PIEZO2: variants seen among roughly 807,000 people sequenced by gnomAD.
The protein encoded by PIEZO2 is piezo type mechanosensitive ion channel component 2.
A neutral mutation model predicts 337.3 loss-of-function variants in PIEZO2; 172 were observed. The observed-to-expected ratio is 0.51, with a 90% CI of 0.45 to 0.58. The LOEUF is 0.58. Among genes scored for constraint, PIEZO2 ranks in the 20% least tolerant of loss-of-function variants. The probability of loss-of-function intolerance (pLI) is 0.00; values close to 1 mark genes in which losing one functional copy is unlikely to be tolerated. For synonymous variants in PIEZO2, 1,251 were observed against 1,228.5 expected (o/e 1.02, Z -0.38); for missense variants, 3,028 against 3,391.3 (o/e 0.89, Z 2.66).
intron 7 of PIEZO2, among the ~76,000 whole-genome samples, chr18:10,808,701 A>G (rs2040076967): frequency 6.6e-6 from 1 of 152,222 alleles, no homozygotes; most frequent in Non-Finnish European, 1.5e-5. Flanking sequence ...TTAAATAACA[A>G]TTTCCTGAGT....
chr18:11,064,446 G>T (rs917066483), intron 2 of PIEZO2, among the ~76,000 whole-genome samples: 1 of 152,140 alleles, frequency 6.6e-6, no homozygotes, highest in Non-Finnish European at 1.5e-5. Flanking sequence ...ACCTGTTTGT[G>T]CTCTGTTTGT....
Position 11,021,292 on chromosome 18 carries a change from T to G in PIEZO2, c.161-41632A>C, listed in dbSNP as rs142742214. Among the ~76,000 whole-genome samples, 1 of 152,228 alleles carries G rather than the reference T, an allele frequency of 6.6e-6. No individual in the cohort carries two copies. The highest frequency in any genetic ancestry group is 1.5e-5 in the Non-Finnish European group (1 of 68,034). ...AAAGAACTCCCAAACCGGTTTTCCA[T>G]GGACCCAAAGTCAGTGTGGTGTTCT... On this transcript the variant is annotated intron_variant, in intron 2 of 55. Transcript: ENST00000674853. The surrounding 1 kb of genome is among the most constrained non-coding windows in gnomAD (Gnocchi z 4.7).
At chr18:10,910,428 C>A (rs868556554) in intron 4 of PIEZO2, among the ~76,000 whole-genome samples, 1 of 152,002 alleles carries the variant, frequency 6.6e-6, no homozygotes, top group Non-Finnish European at 1.5e-5. Context: ...ACTAAAAATA[C>A]GAAAATAAGC....
intron 21 of PIEZO2, 74 bp from the exon 22 acceptor site, chr18:10,763,172 G>T: frequency 7.0e-7 from 1 of 1,436,220 alleles, no homozygotes; most frequent in Non-Finnish European, 9.4e-7. Context: ...CACAAAACAG[G>T]ATGACTTGAT....
chr18:10,717,164 T>C (rs34598731), intron 37 of PIEZO2, among the ~76,000 whole-genome samples: 38,371 of 152,220 alleles, frequency 0.25, 5,511 homozygotes, highest in Non-Finnish European at 0.33. Context: ...CTCAGTTCCC[T>C]GTTTTGAGAG....
At position 11,110,951 on chromosome 18, in the gene PIEZO2, G is replaced by T. The variant is rs994513141; in HGVS notation, c.64+37574C>A. Among the ~76,000 whole-genome samples, 1 of 152,202 alleles carries T rather than the reference G, an allele frequency of 6.6e-6. No individual in the cohort carries two copies. Among genetic ancestry groups the T allele is most frequent in the African/African-American group, 2.4e-5 (1 of 41,446 alleles). ...TGCCCCGCAAGCTCCCCTCCATGTG[G>T]TCTGCGTCAGAGTCCACCATGAGAG... On this transcript the variant is annotated intron_variant, in intron 1 of 55. Transcript: ENST00000674853. This position sits in a 1 kb window ranked among gnomAD's most constrained non-coding sequence, Gnocchi z 4.2.
At position 10,784,145 on chromosome 18, in the gene PIEZO2, T is replaced by C. The variant is rs2039127967; in HGVS notation, c.2492+639A>G. Among the ~76,000 whole-genome samples, 1 of 152,190 alleles carries C rather than the reference T, an allele frequency of 6.6e-6. No homozygotes were observed. Among genetic ancestry groups the C allele is most frequent in the Non-Finnish European group, 1.5e-5 (1 of 68,040 alleles). The stretch of plus-strand genomic sequence containing the variant: ...CCCCGTGATGGAACACAGTGAAGGA[T>C]TTGTGATAACCCATTGTGGTTTGAA... On this transcript the variant is annotated intron_variant, in intron 17 of 55. Transcript: ENST00000674853. This position sits in a 1 kb window ranked among gnomAD's most constrained non-coding sequence, Gnocchi z 4.5.
At position 10,767,567 on chromosome 18, in the gene PIEZO2, G is replaced by A. The variant is rs181723849; in HGVS notation, c.2946+2581C>T. On this transcript the variant is annotated intron_variant, in intron 21 of 55. Coordinates refer to ENST00000674853, the MANE Select transcript of PIEZO2 (RefSeq NM_001378183.1). The surrounding 1 kb of genome is among the most constrained non-coding windows in gnomAD (Gnocchi z 4.2). ...AGCCCGAGTGAGGAGCTAATGACTC[G>A]GAGCCCGATGCGTGAACCCTGGAGC... Among the ~76,000 whole-genome samples, 23 of 152,268 alleles carry A rather than the reference G, an allele frequency of 1.5e-4. No homozygotes were observed. The highest frequency in any genetic ancestry group is 1.5e-3 in the South Asian group (7 of 4,824).
At position 11,036,895 on chromosome 18, in the gene PIEZO2, G is replaced by C. The variant is rs544369519; in HGVS notation, c.160+29232C>G. ...AAAATCCCGTAATTATATTGCAATA[G>C]ATATAAACTCCACGTGGACCCAGGC... On this transcript the variant is annotated intron_variant, in intron 2 of 55. Transcript: ENST00000674853. 2.6e-5 allele frequency among the ~76,000 whole-genome samples: 4 copies of C among 152,260 alleles called. No individual in the cohort carries two copies. In the South Asian group the frequency reaches 6.2e-4, roughly 24 times the overall value.
chr18:10,842,028 C>T (rs948765457), intron 7 of PIEZO2, among the ~76,000 whole-genome samples: 2 of 151,790 alleles, frequency 1.3e-5, no homozygotes, highest in Non-Finnish European at 2.9e-5. Context: ...TGGCGGTGTG[C>T]GCCTGTAGTC....
At position 10,834,949 on chromosome 18, in the gene PIEZO2, G is replaced by A. The variant is rs958777873; in HGVS notation, c.917+20404C>T. 6.6e-6 allele frequency among the ~76,000 whole-genome samples: 1 copy of A among 152,180 alleles called. No homozygotes were observed. Among genetic ancestry groups the A allele is most frequent in the African/African-American group, 2.4e-5 (1 of 41,442 alleles). ...TTGAAGCCAAACTCCCCATGTGAAG[G>A]TATTAAGAAGTCGGGCCTTTGAGGG... On this transcript the variant is annotated intron_variant, in intron 7 of 55. Transcript: ENST00000674853. This position sits in a 1 kb window ranked among gnomAD's most constrained non-coding sequence, Gnocchi z 4.5.
At chr18:10,867,643 C>T (rs2144766161) in intron 5 of PIEZO2, among the ~76,000 whole-genome samples, 1 of 152,122 alleles carries the variant, frequency 6.6e-6, no homozygotes, top group Non-Finnish European at 1.5e-5. Context: ...CTTAATAATA[C>T]ATTAAAATAC....
intron 2 of PIEZO2, among the ~76,000 whole-genome samples, chr18:11,053,564 G>A (rs1322702480): frequency 6.6e-6 from 1 of 152,152 alleles, no homozygotes. Context: ...CTACAGACAG[G>A]TGCCACTGTG....
At chr18:10,883,210 T>A (rs746710241) in intron 4 of PIEZO2, among the ~76,000 whole-genome samples, 5 of 152,170 alleles carry the variant, frequency 3.3e-5, no homozygotes, top group African/African-American at 1.2e-4. Context: ...CTATTGTATA[T>A]AGTGCTGAAA....
chr18:10,743,579 C>T (rs1040614704), intron 31 of PIEZO2, among the ~76,000 whole-genome samples: 1 of 152,192 alleles, frequency 6.6e-6, no homozygotes, highest in African/African-American at 2.4e-5. Context: ...ATTTCTAGTG[C>T]TGCCTCTAGT....
chr18:11,040,130 A>G (rs1206023626), intron 2 of PIEZO2, among the ~76,000 whole-genome samples: 3 of 150,880 alleles, frequency 2.0e-5, no homozygotes, highest in Non-Finnish European at 4.4e-5. Context: ...AAGGCTTCAT[A>G]TCAGCTATGT....
intron 1 of PIEZO2, among the ~76,000 whole-genome samples, chr18:11,139,656 C>T (rs995368928): frequency 4.6e-5 from 7 of 152,142 alleles, no homozygotes; most frequent in African/African-American, 1.7e-4. Flanking sequence ...GATATTTACA[C>T]TTCAAATGAA....
At position 10,748,696 on chromosome 18, in the gene PIEZO2, C is replaced by G; in HGVS notation, c.4265-66G>C. 1 of 1,363,576 alleles carries G rather than the reference C, an allele frequency of 7.3e-7. No homozygotes were observed. Among genetic ancestry groups the G allele is most frequent in the Non-Finnish European group, 9.6e-7 (1 of 1,041,728 alleles). 84.5% of individuals were successfully genotyped at this position (1,363,576 alleles called of 1,614,324 possible). A position where few individuals can be genotyped will look rare whatever the true frequency, so the allele number is the denominator to read the frequency against. On this transcript the variant is annotated intron_variant, in intron 29 of 55. Coordinates refer to ENST00000674853, the MANE Select transcript of PIEZO2 (RefSeq NM_001378183.1). This position sits in a 1 kb window ranked among gnomAD's most constrained non-coding sequence, Gnocchi z 5.1. The stretch of plus-strand genomic sequence containing the variant: ...CATTTTCATTGTAATTTTATAAAAT[C>G]TGAGGTATGGTCAGGCTTGGGAAAT...
Position 10,979,640 on chromosome 18 carries a change from T to C in PIEZO2, c.181A>G (p.Lys61Glu). 3 of 1,535,190 alleles carry C rather than the reference T, an allele frequency of 2.0e-6. No individual in the cohort carries two copies. The highest frequency in any genetic ancestry group is 1.7e-6 in the Non-Finnish European group (2 of 1,145,470). The part of the protein sequence containing the change: ...TMQGHTGRLL[K>E]SLCFISLSFL... Reference sequence around the variant, plus strand: ...GAAAGACTGATGAAGCACAGAGACTTTAATAACCGTCCCGTATGTCCTAAG... The same window carrying C: ...GAAAGACTGATGAAGCACAGAGACTCTAATAACCGTCCCGTATGTCCTAAG... Residue 61 changes from lysine to glutamate, a missense_variant, in exon 3 of 56, where the codon AAG becomes GAG. By Grantham distance (56) the Lys-to-Glu change is moderately conservative. This residue lies in a region of PIEZO2 where 542 missense variants were observed against 605.6 expected (regional missense o/e 0.89). Transcript: ENST00000674853. This position sits in a 1 kb window ranked among gnomAD's most constrained non-coding sequence, Gnocchi z 4.0.
Sources: gnomAD v4.1 joint callset for allele counts (sites outside exome capture counted in the v4.1 genomes callset) on GRCh38, gnomAD v4.1.1 for gene constraint, gnomAD v4.1.1 regional missense constraint, Gnocchi (gnomAD v3.1) non-coding constraint, MANE v1.5 for transcripts, NCBI Gene and HGNC (gene_info 2026-07-23, HGNC 2026-07-21) for gene names.